The following PARD3B variants were observed in gnomAD, a reference collection of about 807,000 sequenced individuals.
PARD3B encodes par-3 family cell polarity regulator beta, also known as partitioning defective 3 homolog B.
PARD3B carries 103 observed loss-of-function variants against 130.2 expected under a neutral mutation model. The ratio of observed to expected loss-of-function variants is 0.79; its 90% CI spans 0.67 to 0.93. PARD3B has a LOEUF of 0.93. PARD3B is among the 40% of genes least tolerant of loss of function. PARD3B has a pLI of 0.00. For missense variants in PARD3B, 1,609 were observed against 1,499.2 expected, an observed-to-expected ratio of 1.07 and a Z score of -1.21; for synonymous variants, 583 against 553.2, an observed-to-expected ratio of 1.05 and a Z score of -0.76.
intron 2 of PARD3B, among the ~76,000 whole-genome samples, chr2:204,763,151 C>A (rs2040983203): frequency 6.6e-6 from 1 of 152,148 alleles, no homozygotes; most frequent in Non-Finnish European, 1.5e-5. Flanking sequence ...ATGATTTCTT[C>A]CTAAATATGC....
At chr2:205,419,268 G>GCA (rs2046883700) in intron 19 of PARD3B, among the ~76,000 whole-genome samples, 1 of 152,068 alleles carries the variant, frequency 6.6e-6, no homozygotes, top group Admixed American at 6.6e-5. Flanking sequence ...GGAGTTCCCT[G>GCA]CACAAGTTCT....
At chr2:205,273,127 A>G (rs767581858) in intron 16 of PARD3B, among the ~76,000 whole-genome samples, 4 of 152,232 alleles carry the variant, frequency 2.6e-5, no homozygotes, top group Non-Finnish European at 5.9e-5. Flanking sequence ...TTCTCTGAAC[A>G]GCAACTAACA....
At chr2:204,602,456 AAAAAC>A (rs57938732) in intron 1 of PARD3B, among the ~76,000 whole-genome samples, 5,147 of 152,154 alleles carry the variant, frequency 0.034, 237 homozygotes, top group East Asian at 0.13. Context: ...AAAAAAAAAT[AAAAAC>A]AAAACTGTTG....
intron 20 of PARD3B, among the ~76,000 whole-genome samples, chr2:205,477,370 G>A (rs949629696): frequency 1.3e-5 from 2 of 152,038 alleles, no homozygotes; most frequent in Non-Finnish European, 2.9e-5. Context: ...CTCTCCCTTT[G>A]CCACTCTAGT....
chr2:204,816,141 T>G (rs2043138016), intron 2 of PARD3B, among the ~76,000 whole-genome samples: 2 of 152,008 alleles, frequency 1.3e-5, no homozygotes, highest in African/African-American at 4.8e-5. Flanking sequence ...TAAAGCACTT[T>G]ACATACAGTA....
chr2:204,858,280 G>A (rs796344335), intron 2 of PARD3B, among the ~76,000 whole-genome samples: 3 of 152,030 alleles, frequency 2.0e-5, no homozygotes, highest in Non-Finnish European at 4.4e-5. Context: ...CATGTTCATT[G>A]CAGCATTATC....
At chr2:204,764,715 C>CGTGTGTGTATGT (rs2041063816) in intron 2 of PARD3B, among the ~76,000 whole-genome samples, 1 of 145,644 alleles carries the variant, frequency 6.9e-6, no homozygotes, top group African/African-American at 2.5e-5. Flanking sequence ...GGCATGCATG[C>CGTGTGTGTATGT]GTGTGTGTGT....
chr2:205,123,936 G>A (rs1435597411), intron 8 of PARD3B, among the ~76,000 whole-genome samples: 3 of 152,198 alleles, frequency 2.0e-5, no homozygotes, highest in Non-Finnish European at 4.4e-5. Flanking sequence ...AGAGGGCTCA[G>A]CCATAGGTTG....
chr2:204,579,756 G>A (rs181498583), intron 1 of PARD3B, among the ~76,000 whole-genome samples: 1 of 152,210 alleles, frequency 6.6e-6, no homozygotes, highest in East Asian at 1.9e-4. Flanking sequence ...CCTCTACCCA[G>A]GGTGGACCCC....
At chr2:204,837,465 G>C (rs2044087128) in intron 2 of PARD3B, among the ~76,000 whole-genome samples, 1 of 148,972 alleles carries the variant, frequency 6.7e-6, no homozygotes. Context: ...CTGTTGCCCA[G>C]GCTGGAGTGC....
chr2:205,261,480 C>G (rs895866342), intron 16 of PARD3B, among the ~76,000 whole-genome samples: 1 of 152,084 alleles, frequency 6.6e-6, no homozygotes, highest in Non-Finnish European at 1.5e-5. Context: ...CACATGAAGC[C>G]AGACATGGTT....
rs2041234987 is a variant in PARD3B at position 205,282,628 on chromosome 2, A to G, written c.2186-17902A>G. ...AACTTTCTTAAGAATTTGAGAAAGT[A>G]TAAATCAGGGCTGTAACATCAGGAT... On this transcript the variant is annotated intron_variant, in intron 16 of 22. Coordinates refer to ENST00000406610, the MANE Select transcript of PARD3B (RefSeq NM_001302769.2). 2.6e-5 allele frequency among the ~76,000 whole-genome samples: 4 copies of G among 152,064 alleles called. No homozygotes were observed. In the South Asian group the frequency reaches 8.3e-4, roughly 31 times the overall value.
chr2:204,996,397 G>T (rs1034175657), intron 3 of PARD3B, among the ~76,000 whole-genome samples: 1 of 152,262 alleles, frequency 6.6e-6, no homozygotes, highest in East Asian at 1.9e-4. Flanking sequence ...CTGCTCAGGG[G>T]TCAGGGGTCA....
chr2:204,573,135 G>A (rs1431483701), intron 1 of PARD3B, among the ~76,000 whole-genome samples: 2 of 152,098 alleles, frequency 1.3e-5, no homozygotes, highest in Admixed American at 6.5e-5. Flanking sequence ...CCCTGAGTCC[G>A]GCTGTATCTC....
At chr2:204,558,349 C>T (rs2031072445) in intron 1 of PARD3B, among the ~76,000 whole-genome samples, 2 of 152,146 alleles carry the variant, frequency 1.3e-5, no homozygotes, top group Admixed American at 1.3e-4. Context: ...TCAGCAAAGT[C>T]TCAGGATACA....
At chr2:205,110,415 T>G (rs550267234) in intron 5 of PARD3B, among the ~76,000 whole-genome samples, 2 of 152,290 alleles carry the variant, frequency 1.3e-5, no homozygotes, top group East Asian at 3.9e-4. Flanking sequence ...AATCTCAGAT[T>G]GGTAGCAGCT....
chr2:205,053,930 A>C (rs900152602), intron 4 of PARD3B, among the ~76,000 whole-genome samples: 2 of 152,102 alleles, frequency 1.3e-5, no homozygotes, highest in African/African-American at 4.8e-5. Flanking sequence ...ACAGTGATTT[A>C]ATAATAGTTC....
intron 21 of PARD3B, among the ~76,000 whole-genome samples, chr2:205,551,457 A>G (rs1436534204): frequency 3.3e-5 from 5 of 152,008 alleles, no homozygotes; most frequent in African/African-American, 9.6e-5. Flanking sequence ...AGAATTCTCA[A>G]TCTCTCTGTC....
intron 1 of PARD3B, among the ~76,000 whole-genome samples, chr2:204,653,245 G>A (rs938055516): frequency 1.4e-5 from 2 of 147,574 alleles, no homozygotes; most frequent in African/African-American, 2.6e-5. Context: ...CATAACAAAC[G>A]TACACCTGTA....
Sources: gnomAD v4.1 joint callset for allele counts (sites outside exome capture counted in the v4.1 genomes callset) on GRCh38, gnomAD v4.1.1 for gene constraint, MANE v1.5 for transcripts, NCBI Gene and HGNC (gene_info 2026-07-23, HGNC 2026-07-21) for gene names.